SRGAP1: variants seen among roughly 807,000 people sequenced by gnomAD.
SRGAP1 encodes SLIT-ROBO Rho GTPase activating protein 1, also known as SLIT-ROBO Rho GTPase-activating protein 1.
Under a neutral mutation model 121.9 loss-of-function variants are expected in SRGAP1, and 43 were observed. That is an observed-to-expected ratio of 0.35 (90% CI 0.28 to 0.46). The LOEUF (loss-of-function observed/expected upper bound fraction) is 0.46, where lower values mean the gene tolerates loss of function less well. Ranked by LOEUF, SRGAP1 falls within the 20% of genes least tolerant of loss-of-function variation. SRGAP1 has a pLI of 1.00. For synonymous variants in SRGAP1, 447 were observed against 485.4 expected (o/e 0.92, Z 1.04); for missense variants, 1,102 against 1,350.9 (o/e 0.82, Z 2.89).
chr12:63,860,943 C>T (rs887186351), intron 1 of SRGAP1, among the ~76,000 whole-genome samples: 1 of 151,714 alleles, frequency 6.6e-6, no homozygotes, highest in African/African-American at 2.4e-5. Flanking sequence ...TCAAGTAATG[C>T]TCTCACTTCA....
At chr12:63,979,906 C>T (rs1022468648) in intron 1 of SRGAP1, among the ~76,000 whole-genome samples, 3 of 152,214 alleles carry the variant, frequency 2.0e-5, no homozygotes, top group Non-Finnish European at 2.9e-5. Flanking sequence ...TTCTCAAACT[C>T]ACCCCTTGCA....
At position 63,990,221 on chromosome 12, in the gene SRGAP1, T is replaced by C. The variant is rs1035030799; in HGVS notation, c.426+149T>C. 4.4e-6 allele frequency: 3 copies of C among 687,262 alleles called. No individual in the cohort carries two copies. The African/African-American group carries it at 5.5e-5, about 13-fold the overall frequency. The allele number at this position is 687,262 out of a possible 1,614,324, so 42.6% of individuals were successfully genotyped here. On this transcript the variant is annotated intron_variant, in intron 3 of 21. Transcript: ENST00000355086. ...GTTAAAAATTAGATGAATGGATGTTTTAAAGACACGGAATAAAGAGTTAAA... is the reference window on the plus strand; with the variant it reads ...GTTAAAAATTAGATGAATGGATGTTCTAAAGACACGGAATAAAGAGTTAAA...
chr12:63,900,142 T>A lies in SRGAP1; in HGVS notation c.67+55259T>A, dbSNP rs564764536. Among the ~76,000 whole-genome samples, 6 of 151,852 alleles carry A rather than the reference T, an allele frequency of 4.0e-5. No homozygotes were observed. The South Asian group carries it at 1.2e-3, about 31-fold the overall frequency. ...GTTGATGACAACAGCTTTGCAGTTA[T>A]GAACTAAGCAATGCCTTATGTCTCC... On this transcript the variant is annotated intron_variant, in intron 1 of 21. Coordinates refer to ENST00000355086, the MANE Select transcript of SRGAP1 (RefSeq NM_020762.4).
rs2037133227 is a variant in SRGAP1 at position 64,152,939 on chromosome 12, A to G, written c.*10267A>G. The G allele has an allele frequency of 6.8e-6, 1 of 147,112 alleles. No homozygotes were observed. Among genetic ancestry groups the G allele is most frequent in the South Asian group, 2.2e-4 (1 of 4,590 alleles). 9.1% of individuals were successfully genotyped at this position (147,112 alleles called of 1,614,324 possible). A position where few individuals can be genotyped will look rare whatever the true frequency, so the allele number is the denominator to read the frequency against. ...AAAAAAAAAAAAAAAAAAAAAAACC[A>G]CTACATAAGCCAACAGCTAAACCGG... On this transcript the variant is annotated 3_prime_UTR_variant, in exon 22 of 22. Coordinates refer to ENST00000355086, the MANE Select transcript of SRGAP1 (RefSeq NM_020762.4).
intron 4 of SRGAP1, chr12:64,032,355 C>G: frequency 2.7e-6 from 1 of 377,330 alleles, no homozygotes; most frequent in Non-Finnish European, 5.2e-6. Flanking sequence ...CTGGCTGTGT[C>G]AATGGTAGTA....
chr12:64,105,214 T>A (rs2036325141), intron 15 of SRGAP1, among the ~76,000 whole-genome samples: 1 of 152,206 alleles, frequency 6.6e-6, no homozygotes, highest in Non-Finnish European at 1.5e-5. Flanking sequence ...TCAAGCCTCA[T>A]GCATGTTGCA....
intron 1 of SRGAP1, among the ~76,000 whole-genome samples, chr12:63,864,869 G>A (rs1899570276): frequency 6.6e-6 from 1 of 151,768 alleles, no homozygotes; most frequent in Non-Finnish European, 1.5e-5. Context: ...TTGTTAGCCT[G>A]GGAAAATAAA....
At chr12:63,868,079 G>GTT (rs1565927744) in intron 1 of SRGAP1, among the ~76,000 whole-genome samples, 1 of 63,470 alleles carries the variant, frequency 1.6e-5, no homozygotes, top group Non-Finnish European at 2.8e-5. Flanking sequence ...TTTTTTTTTT[G>GTT]TTTTTTTTTT....
chr12:63,977,515 A>G (rs2033125303), intron 1 of SRGAP1, among the ~76,000 whole-genome samples: 1 of 152,084 alleles, frequency 6.6e-6, no homozygotes. Context: ...TCCGTGAAAT[A>G]TGTATCAGTT....
intron 1 of SRGAP1, among the ~76,000 whole-genome samples, chr12:63,862,077 C>T (rs112525266): frequency 0.011 from 1,636 of 152,286 alleles, 11 homozygotes; most frequent in Non-Finnish European, 0.018. Context: ...GCCGAGATCA[C>T]GCCACTGCAT....
At chr12:63,911,107 G>T (rs905016644) in intron 1 of SRGAP1, among the ~76,000 whole-genome samples, 25 of 152,126 alleles carry the variant, frequency 1.6e-4, no homozygotes, top group African/African-American at 6.0e-4. Flanking sequence ...AGATCATCCT[G>T]GCTAAAACGG....
intron 4 of SRGAP1, among the ~76,000 whole-genome samples, chr12:64,025,167 A>T (rs966754318): frequency 3.4e-5 from 5 of 148,386 alleles, no homozygotes; most frequent in Non-Finnish European, 7.5e-5. Context: ...AAAAAAAAAA[A>T]GCTAATTATT....
chr12:64,092,421 ATAAT>A (rs576999253), intron 12 of SRGAP1, among the ~76,000 whole-genome samples: 29 of 152,268 alleles, frequency 1.9e-4, no homozygotes, highest in East Asian at 9.6e-4. Context: ...ATGTGTACTA[ATAAT>A]TAAATAAATG....
intron 9 of SRGAP1, among the ~76,000 whole-genome samples, 179 bp downstream of exon 9, chr12:64,079,295 G>C (rs367949178): frequency 6.6e-6 from 1 of 151,992 alleles, no homozygotes; most frequent in East Asian, 1.9e-4. Flanking sequence ...TTAGGAGTTA[G>C]TTAGTTAGGA....
chr12:64,085,268 G>A (rs1426724452), intron 10 of SRGAP1, among the ~76,000 whole-genome samples: 1 of 152,106 alleles, frequency 6.6e-6, no homozygotes, highest in African/African-American at 2.4e-5. Flanking sequence ...GTTAATATAT[G>A]TAATATAAAG....
intron 21 of SRGAP1, among the ~76,000 whole-genome samples, chr12:64,135,130 A>C (rs1489208099): frequency 2.0e-5 from 3 of 152,174 alleles, no homozygotes; most frequent in Non-Finnish European, 4.4e-5. Flanking sequence ...GGGATAGGGA[A>C]GCTGTTTCTT....
At chr12:64,075,663 G>A (rs1170726495) in intron 8 of SRGAP1, among the ~76,000 whole-genome samples, 1 of 152,084 alleles carries the variant, frequency 6.6e-6, no homozygotes, top group African/African-American at 2.4e-5. Context: ...AGTGTAGGAT[G>A]GTGACTCTTT....
intron 3 of SRGAP1, 48 bp downstream of exon 3, chr12:63,990,120 G>A: frequency 6.8e-7 from 1 of 1,465,326 alleles, no homozygotes; most frequent in East Asian, 2.3e-5. Flanking sequence ...TAACTGCCTT[G>A]TCTATAACCA....
At position 63,844,712 on chromosome 12, in the gene SRGAP1, T is replaced by C; in HGVS notation, c.-105T>C. The C allele has an allele frequency of 1.8e-6, 2 of 1,115,170 alleles. No homozygotes were observed. Among genetic ancestry groups the C allele is most frequent in the Admixed American group, 3.4e-5 (2 of 59,306 alleles). The allele number at this position is 1,115,170 out of a possible 1,614,324, so 69.1% of individuals were successfully genotyped here. A position where few individuals can be genotyped will look rare whatever the true frequency, so the allele number is the denominator to read the frequency against. ...CCTTCCCTCGGGTCGGCGCTGCCTC[T>C]GGATTGCCTGCGTGTGGGAGTACAA... is the stretch of plus-strand genomic sequence containing the variant. On this transcript the variant is annotated 5_prime_UTR_variant, in exon 1 of 22. Coordinates refer to ENST00000355086, the MANE Select transcript of SRGAP1 (RefSeq NM_020762.4). This position sits in a 1 kb window ranked among gnomAD's most constrained non-coding sequence, Gnocchi z 4.3.
Sources: allele counts gnomAD v4.1 joint callset (sites outside exome capture counted in the v4.1 genomes callset), GRCh38; gene constraint gnomAD v4.1.1; non-coding constraint Gnocchi (gnomAD v3.1); transcripts MANE v1.5; gene names NCBI Gene and HGNC (gene_info 2026-07-23, HGNC 2026-07-21).